The following MYOCD variants were observed in gnomAD, a reference collection of about 807,000 sequenced individuals.
MYOCD encodes myocardin.
Under a neutral mutation model 96.1 loss-of-function variants are expected in MYOCD, and 32 were observed. The observed-to-expected ratio is 0.33, with a 90% CI of 0.25 to 0.45. The LOEUF is 0.45. Among genes scored for constraint, MYOCD ranks in the 20% least tolerant of loss-of-function variants. The pLI, the probability that MYOCD is intolerant of heterozygous loss-of-function variation, is 1.00. For missense variants in MYOCD, 1,133 were observed against 1,200.6 expected, an observed-to-expected ratio of 0.94 and a Z score of 0.83; for synonymous variants, 469 against 469.0, an observed-to-expected ratio of 1.00 and a Z score of 0.00.
Position 12,763,716 on chromosome 17 carries a change from T to G in MYOCD, c.*72T>G. 2 of 1,287,568 alleles carry G rather than the reference T, an allele frequency of 1.6e-6. No homozygotes were observed. The highest frequency in any genetic ancestry group is 2.1e-6 in the Non-Finnish European group (2 of 931,470). 79.8% of individuals were successfully genotyped at this position (1,287,568 alleles called of 1,614,324 possible). ...GGGAAAGCACACAGCCATACATACT[T>G]TACTGTCCAAAAACAGAAGAAGAAG... On this transcript the variant is annotated 3_prime_UTR_variant, in exon 14 of 14. Coordinates refer to ENST00000425538, the MANE Select transcript of MYOCD (RefSeq NM_001146312.3).
chr17:12,753,884 T>C (rs1262994171), intron 10 of MYOCD, among the ~76,000 whole-genome samples: 2 of 152,234 alleles, frequency 1.3e-5, no homozygotes, highest in African/African-American at 2.4e-5. Flanking sequence ...AAACATTTAC[T>C]GAGCACCTAC....
intron 3 of MYOCD, among the ~76,000 whole-genome samples, chr17:12,716,306 A>G (rs11078089): frequency 0.57 from 86,900 of 151,996 alleles, 25,625 homozygotes; most frequent in Non-Finnish European, 0.64. Context: ...TACTACCTGG[A>G]GAATAACAAA....
chr17:12,711,676 C>G (rs1271271626), intron 2 of MYOCD, among the ~76,000 whole-genome samples: 1 of 152,126 alleles, frequency 6.6e-6, no homozygotes, highest in Admixed American at 6.5e-5. Context: ...CAGACATACT[C>G]TTTCTCTTCA....
rs566029046 is a variant in MYOCD at position 12,753,859 on chromosome 17, T to C, written c.2058+513T>C. Among the ~76,000 whole-genome samples, 7 of 152,304 alleles carry C rather than the reference T, an allele frequency of 4.6e-5. No individual in the cohort carries two copies. The South Asian group carries it at 1.4e-3, about 32-fold the overall frequency. On this transcript the variant is annotated intron_variant, in intron 10 of 13. Transcript: ENST00000425538. ...TCATCAGATCTTACTCTTCATGTAA[T>C]GGTCTGCATAGTGCAAACATTTACT...
intron 4 of MYOCD, among the ~76,000 whole-genome samples, chr17:12,721,427 GA>G (rs1469555665): frequency 6.6e-6 from 1 of 152,208 alleles, no homozygotes; most frequent in Admixed American, 6.5e-5. Context: ...CAAAGCGAAA[GA>G]GATCTATAAG....
rs1298663989 is a variant in MYOCD at position 12,752,958 on chromosome 17, G to A, written c.1670G>A (p.Cys557Tyr). The stretch of plus-strand genomic sequence containing the variant: ...CTTCAGAAGCAGAAAAGGAATAACT[G>A]TTCAGAGAAGAAGCCGCTGCCTTTC... ...MQLQKQKRNN[C>Y]SEKKPLPFLA... The change falls in exon 10 of 14, where the codon TGT becomes TAT. Residue 557 changes from cysteine (C) to tyrosine (Y), a missense_variant. Cys to Tyr is a radical substitution (Grantham distance 194, BLOSUM62 -2). Transcript: ENST00000425538. 6.2e-7 allele frequency: 1 copy of A among 1,614,170 alleles called. No homozygotes were observed.
intron 9 of MYOCD, among the ~76,000 whole-genome samples, chr17:12,749,640 T>C (rs2150716341): frequency 6.8e-6 from 1 of 147,800 alleles, no homozygotes; most frequent in African/African-American, 2.5e-5. Context: ...TATACGTGTG[T>C]ATATATACAC....
chr17:12,677,424 AC>A (rs1173291987), intron 1 of MYOCD, among the ~76,000 whole-genome samples: 4 of 151,342 alleles, frequency 2.6e-5, no homozygotes, highest in Non-Finnish European at 4.4e-5. Context: ...TTAAAAAAAA[AC>A]TTATAGGCCG....
At chr17:12,691,414 G>A (rs1405252370) in intron 1 of MYOCD, among the ~76,000 whole-genome samples, 2 of 152,146 alleles carry the variant, frequency 1.3e-5, no homozygotes, top group East Asian at 3.9e-4. Context: ...GATCATTCAG[G>A]AGCCTCATTC....
chr17:12,736,095 CA>C, intron 5 of MYOCD, 65 bp from the exon 6 acceptor site: 1 of 1,354,134 alleles, frequency 7.4e-7, no homozygotes, highest in Non-Finnish European at 1.0e-6. Context: ...CACATCGAAG[CA>C]TTTCCAAAAA....
rs78520788 is a variant in MYOCD at position 12,715,528 on chromosome 17, G to T, written c.131G>T (p.Arg44Leu). Residue 44 changes from arginine (R) to leucine (L), a missense_variant, in exon 3 of 14, where the codon CGT (arginine) becomes CTT (leucine). By Grantham distance (102) the Arg-to-Leu change is moderately radical. Transcript: ENST00000425538. ...TGTGTTTCTGTTTCAGCACTGAAAC[G>T]TCCAGCTGAATTCCATGAGCAAAGA... is the stretch of plus-strand genomic sequence containing the variant. ...ANQGIIPPLK[R>L]PAEFHEQRKH... The T allele has an allele frequency of 2.2e-4, 355 of 1,613,440 alleles. 2 individuals carry two copies. In the African/African-American group the frequency reaches 4.3e-3, roughly 20 times the overall value.
chr17:12,710,095 C>A (rs1035876671), intron 2 of MYOCD, among the ~76,000 whole-genome samples: 1 of 152,054 alleles, frequency 6.6e-6, no homozygotes, highest in Admixed American at 6.6e-5. Flanking sequence ...TAGGAGGGGC[C>A]CCAAACCACC....
At chr17:12,759,692 G>C (rs987371466) in intron 12 of MYOCD, among the ~76,000 whole-genome samples, 10 of 152,186 alleles carry the variant, frequency 6.6e-5, no homozygotes, top group Non-Finnish European at 1.5e-4. Context: ...ATGAGCCAGA[G>C]AGGAGGGGGC....
At chr17:12,693,297 T>G (rs998967027) in intron 1 of MYOCD, among the ~76,000 whole-genome samples, 1 of 151,924 alleles carries the variant, frequency 6.6e-6, no homozygotes, top group Non-Finnish European at 1.5e-5. Flanking sequence ...TATGTTTTTT[T>G]AAAACAAACA....
At chr17:12,747,751 A>G (rs2032709410) in intron 9 of MYOCD, among the ~76,000 whole-genome samples, 1 of 152,080 alleles carries the variant, frequency 6.6e-6, no homozygotes, top group African/African-American at 2.4e-5. Flanking sequence ...TTTGCAAGCA[A>G]TTTTCATGTT....
At chr17:12,702,787 A>G (rs1226758333) in intron 1 of MYOCD, among the ~76,000 whole-genome samples, 3 of 152,032 alleles carry the variant, frequency 2.0e-5, no homozygotes, top group African/African-American at 7.2e-5. Flanking sequence ...CATGTGAAGT[A>G]TAGAAATTTG....
chr17:12,765,589 G>A lies in MYOCD; in HGVS notation c.*1945G>A, dbSNP rs1199687071. 6.6e-6 allele frequency: 1 copy of A among 152,126 alleles called. No individual in the cohort carries two copies. Among genetic ancestry groups the A allele is most frequent in the Non-Finnish European group, 1.5e-5 (1 of 68,034 alleles). 9.4% of individuals were successfully genotyped at this position (152,126 alleles called of 1,614,324 possible). Reference sequence around the variant, plus strand: ...ACATATGTGTATATTATATCTGTGTGTGCATGTATCTCCAAAAGCGGCGTT... The same window carrying A: ...ACATATGTGTATATTATATCTGTGTATGCATGTATCTCCAAAAGCGGCGTT... On this transcript the variant is annotated 3_prime_UTR_variant, in exon 14 of 14. Transcript: ENST00000425538.
At position 12,666,226 on chromosome 17, in the gene MYOCD, G is replaced by A. The variant is rs1330365922; in HGVS notation, c.38G>A (p.Arg13Lys). 1.2e-6 allele frequency: 2 copies of A among 1,613,382 alleles called. No homozygotes were observed. The highest frequency in any genetic ancestry group is 1.1e-5 in the South Asian group (1 of 91,044). ...GGGTCTGAGCATTCCTTGCTGATTA[G>A]GAGCAAGTTCAGATCAGGTAGGGCT... The part of the protein sequence containing the change: ...LLGSEHSLLI[R>K]SKFRSVLQLR... Residue 13 changes from arginine to lysine, a missense_variant, in exon 1 of 14, where the codon AGG (arginine) becomes AAG (lysine). Arg to Lys is a conservative substitution (Grantham distance 26). Coordinates refer to ENST00000425538, the MANE Select transcript of MYOCD (RefSeq NM_001146312.3).
chr17:12,678,182 C>T (rs1288864983), intron 1 of MYOCD, among the ~76,000 whole-genome samples: 11 of 152,008 alleles, frequency 7.2e-5, no homozygotes, highest in South Asian at 2.1e-4. Context: ...TGAGCCACCG[C>T]GCCCAGCCTA....
Sources: allele counts gnomAD v4.1 joint callset (sites outside exome capture counted in the v4.1 genomes callset), GRCh38; gene constraint gnomAD v4.1.1; transcripts MANE v1.5; gene names NCBI Gene and HGNC (gene_info 2026-07-23, HGNC 2026-07-21).